The following NRXN1 variants were observed in gnomAD, a reference collection of about 807,000 sequenced individuals.
The protein encoded by NRXN1 is neurexin 1.
Under a neutral mutation model 150.9 loss-of-function variants are expected in NRXN1, and 39 were observed. That is an observed-to-expected ratio of 0.26 (90% CI 0.20 to 0.34). NRXN1 has a LOEUF of 0.34. NRXN1 is among the 10% of genes least tolerant of loss of function. NRXN1 has a pLI of 1.00. For synonymous variants in NRXN1, 924 were observed against 757.0 expected, an observed-to-expected ratio of 1.22 and a Z score of -3.62; for missense variants, 1,815 against 1,949.9, an observed-to-expected ratio of 0.93 and a Z score of 1.30.
At chr2:50,453,948 C>G (rs2087256293) in intron 17 of NRXN1, among the ~76,000 whole-genome samples, 1 of 152,100 alleles carries the variant, frequency 6.6e-6, no homozygotes, top group Admixed American at 6.6e-5. Context: ...CCCGTAGTAT[C>G]AGCTAATCAG....
At chr2:50,664,503 A>AG (rs1385951312) in intron 5 of NRXN1, among the ~76,000 whole-genome samples, 1 of 148,512 alleles carries the variant, frequency 6.7e-6, no homozygotes, top group Non-Finnish European at 1.5e-5. Context: ...TTGATGATTT[A>AG]AAAAAAAAAT....
intron 2 of NRXN1, among the ~76,000 whole-genome samples, chr2:50,958,717 A>C (rs1692665758): frequency 6.6e-6 from 1 of 152,036 alleles, no homozygotes; most frequent in Non-Finnish European, 1.5e-5. Context: ...CCTGGCTAGA[A>C]TCTCCAAGAC....
At chr2:50,070,626 C>G (rs539750056) in intron 19 of NRXN1, among the ~76,000 whole-genome samples, 1 of 151,604 alleles carries the variant, frequency 6.6e-6, no homozygotes, top group Non-Finnish European at 1.5e-5. Flanking sequence ...AAAAATTATC[C>G]GGGCGTAGTG....
chr2:50,105,786 A>C (rs1014590612), intron 18 of NRXN1, among the ~76,000 whole-genome samples: 12 of 152,082 alleles, frequency 7.9e-5, no homozygotes, highest in African/African-American at 2.9e-4. Context: ...AACCAAGTAA[A>C]TATAGATCTG....
At chr2:50,041,417 T>A (rs10191808) in intron 21 of NRXN1, among the ~76,000 whole-genome samples, 31 of 152,066 alleles carry the variant, frequency 2.0e-4, no homozygotes, top group East Asian at 1.2e-3. Context: ...TATGCACAGC[T>A]TGTCTTGTAG....
intron 5 of NRXN1, among the ~76,000 whole-genome samples, chr2:50,656,938 A>C (rs373548985): frequency 6.6e-6 from 1 of 152,068 alleles, no homozygotes; most frequent in Admixed American, 6.6e-5. Context: ...ATTAACAATA[A>C]TAACTCAGAA....
chr2:50,687,637 T>TA, intron 5 of NRXN1, among the ~76,000 whole-genome samples: 1 of 152,286 alleles, frequency 6.6e-6, no homozygotes, highest in South Asian at 2.1e-4. Context: ...CACTAAGAAA[T>TA]AAAATGCATG....
At chr2:50,765,584 G>C (rs1256766145) in intron 5 of NRXN1, among the ~76,000 whole-genome samples, 1 of 152,056 alleles carries the variant, frequency 6.6e-6, no homozygotes, top group African/African-American at 2.4e-5. Context: ...GGAAACTGAA[G>C]AGAGTGCACT....
chr2:50,121,612 G>C (rs1437963859), intron 18 of NRXN1, among the ~76,000 whole-genome samples: 1 of 152,110 alleles, frequency 6.6e-6, no homozygotes, highest in East Asian at 1.9e-4. Flanking sequence ...AGGAACAACT[G>C]TACCTTATAC....
chr2:51,006,267 C>T lies in NRXN1; in HGVS notation c.772+21235G>A, dbSNP rs562371939. On this transcript the variant is annotated intron_variant, in intron 2 of 22. Coordinates refer to ENST00000401669, the MANE Select transcript of NRXN1 (RefSeq NM_001330078.2). The stretch of plus-strand genomic sequence containing the variant: ...GTAGGGACATGGATGAAGCTGGAAA[C>T]CATCATTCTCAGTAAACTATCGCAA... Among the ~76,000 whole-genome samples, 1,484 of 151,786 alleles carry T rather than the reference C, an allele frequency of 9.8e-3. 10 individuals are homozygous for T. Among genetic ancestry groups the T allele is most frequent in the Middle Eastern group, 0.076 (22 of 290 alleles).
intron 21 of NRXN1, among the ~76,000 whole-genome samples, chr2:49,996,842 T>C (rs1475215130): frequency 1.3e-5 from 2 of 152,232 alleles, no homozygotes; most frequent in Admixed American, 6.5e-5. Flanking sequence ...ACTATATTTT[T>C]GGTAAATTGT....
intron 5 of NRXN1, among the ~76,000 whole-genome samples, chr2:50,712,535 T>G (rs1023642380): frequency 6.6e-6 from 1 of 152,172 alleles, no homozygotes; most frequent in Non-Finnish European, 1.5e-5. Flanking sequence ...TATATATCCT[T>G]TTGCACTTTT....
chr2:50,175,193 G>A (rs1020405582), intron 18 of NRXN1: 6 of 152,106 alleles, frequency 3.9e-5, no homozygotes, highest in African/African-American at 1.2e-4. Flanking sequence ...CCATCCAACA[G>A]GCCATCCTGA....
At chr2:50,455,797 T>C (rs1480040300) in intron 17 of NRXN1, among the ~76,000 whole-genome samples, 1 of 152,166 alleles carries the variant, frequency 6.6e-6, no homozygotes, top group Non-Finnish European at 1.5e-5. Flanking sequence ...TCCTTGAAGC[T>C]GGGCACTCAT....
chr2:50,472,288 A>T lies in NRXN1; in HGVS notation c.3244+10T>A. On this transcript the variant is annotated intron_variant, in intron 16 of 22. Transcript: ENST00000401669. ...GAATTATTTAGAGCATGATGACAAA[A>T]ATCTAATACCTTCACATCCTCTCTC... The T allele has an allele frequency of 6.5e-7, 1 of 1,540,032 alleles. No homozygotes were observed. The highest frequency in any genetic ancestry group is 2.3e-5 in the East Asian group (1 of 43,402).
At chr2:50,712,735 C>CTTGGCAG (rs934576131) in intron 5 of NRXN1, among the ~76,000 whole-genome samples, 2 of 152,136 alleles carry the variant, frequency 1.3e-5, no homozygotes, top group African/African-American at 4.8e-5. Flanking sequence ...TGCTCCCCTG[C>CTTGGCAG]CCTGTGAGCT....
intron 16 of NRXN1, among the ~76,000 whole-genome samples, chr2:50,467,576 AT>A (rs1174782344): frequency 6.6e-6 from 1 of 151,530 alleles, no homozygotes; most frequent in East Asian, 1.9e-4. Flanking sequence ...GATACTCTTT[AT>A]TGAATGTTAT....
intron 5 of NRXN1, among the ~76,000 whole-genome samples, chr2:50,745,458 T>C (rs1699913607): frequency 7.5e-6 from 1 of 133,688 alleles, no homozygotes; most frequent in African/African-American, 2.7e-5. Flanking sequence ...AAATCTAACA[T>C]GAACATGGCA....
At chr2:50,232,874 T>A (rs2065076941) in intron 18 of NRXN1, among the ~76,000 whole-genome samples, 1 of 152,088 alleles carries the variant, frequency 6.6e-6, no homozygotes, top group Non-Finnish European at 1.5e-5. Context: ...CACCATAGAC[T>A]TTCTTTAAAC....
Sources: allele counts gnomAD v4.1 joint callset (sites outside exome capture counted in the v4.1 genomes callset), GRCh38; gene constraint gnomAD v4.1.1; transcripts MANE v1.5; gene names NCBI Gene and HGNC (gene_info 2026-07-23, HGNC 2026-07-21).